EHBP1: variants seen among roughly 807,000 people sequenced by gnomAD.
EHBP1 encodes EH domain binding protein 1.
In EHBP1, 55 loss-of-function variants were observed where a neutral mutation model predicts 144.0. That is an observed-to-expected ratio of 0.38 (90% CI 0.31 to 0.48). The LOEUF is 0.48. Among genes scored for constraint, EHBP1 ranks in the 20% least tolerant of loss-of-function variants. EHBP1 has a pLI of 0.98. For missense variants in EHBP1, 1,200 were observed against 1,364.2 expected, an observed-to-expected ratio of 0.88 and a Z score of 1.90; for synonymous variants, 469 against 472.7, an observed-to-expected ratio of 0.99 and a Z score of 0.10.
chr2:62,923,199 T>C lies in EHBP1; in HGVS notation c.1186-19519T>C, dbSNP rs576848985. On this transcript the variant is annotated intron_variant, in intron 10 of 22. Coordinates refer to ENST00000431489, the MANE Select transcript of EHBP1 (RefSeq NM_001142616.3). ...TGGCTGAACACCACAACCTCAGCAA[T>C]ACAAAATCTGGACCCAAGATTGGCT... Among the ~76,000 whole-genome samples, 24 of 152,192 alleles carry C rather than the reference T, an allele frequency of 1.6e-4. No homozygotes were observed. In the South Asian group the frequency reaches 4.8e-3, roughly 30 times the overall value.
intron 2 of EHBP1, among the ~76,000 whole-genome samples, chr2:62,737,293 T>A (rs964403622): frequency 6.6e-6 from 1 of 152,200 alleles, no homozygotes. Context: ...GATTTTTCTC[T>A]GTTGTTCACT....
chr2:62,828,577 C>T (rs1007485008), intron 6 of EHBP1, among the ~76,000 whole-genome samples: 3 of 151,924 alleles, frequency 2.0e-5, no homozygotes, highest in Non-Finnish European at 1.5e-5. Context: ...AACTTTTGGG[C>T]GGTTATGGCC....
chr2:62,822,102 G>A (rs1302765938), intron 5 of EHBP1, among the ~76,000 whole-genome samples: 2 of 151,544 alleles, frequency 1.3e-5, no homozygotes, highest in African/African-American at 2.4e-5. Flanking sequence ...TTTTTTTAAC[G>A]ATGTTTAAAA....
chr2:62,734,903 GT>G (rs2037970398), intron 2 of EHBP1, among the ~76,000 whole-genome samples: 1 of 152,080 alleles, frequency 6.6e-6, no homozygotes, highest in Non-Finnish European at 1.5e-5. Context: ...CCTTCCATGG[GT>G]TTCTGTTTTT....
intron 10 of EHBP1, among the ~76,000 whole-genome samples, chr2:62,896,261 C>G (rs573313078): frequency 1.2e-4 from 19 of 152,124 alleles, no homozygotes; most frequent in African/African-American, 4.6e-4. Flanking sequence ...AATAACTTGT[C>G]GTGTTTAAAG....
chr2:62,956,042 G>T (rs2057678237), intron 14 of EHBP1: 1 of 154,418 alleles, frequency 6.5e-6, no homozygotes, highest in Non-Finnish European at 1.4e-5. Flanking sequence ...TACCTACTAA[G>T]TATTTCAGGA....
At chr2:62,948,189 A>G in intron 12 of EHBP1, 71 bp from the exon 13 acceptor site, 1 of 1,363,676 alleles carries the variant, frequency 7.3e-7, no homozygotes, top group Non-Finnish European at 9.7e-7. Context: ...AAAATTAAAA[A>G]TGTGCTCTTT....
chr2:62,783,459 C>A (rs1285786094), intron 5 of EHBP1, among the ~76,000 whole-genome samples: 1 of 152,252 alleles, frequency 6.6e-6, no homozygotes, highest in South Asian at 2.1e-4. Flanking sequence ...GCCCCTGCAG[C>A]AAACTTCTAT....
intron 10 of EHBP1, among the ~76,000 whole-genome samples, chr2:62,879,546 AACACACACACACACAC>A (rs70962798): frequency 3.1e-4 from 41 of 133,790 alleles, no homozygotes; most frequent in East Asian, 1.8e-3. Context: ...TATTCACAAT[AACACACACACACACAC>A]ACACACACAC....
At chr2:62,856,106 A>T (rs2049034497) in intron 7 of EHBP1, among the ~76,000 whole-genome samples, 1 of 152,114 alleles carries the variant, frequency 6.6e-6, no homozygotes, top group South Asian at 2.1e-4. Context: ...CTCACCCTCC[A>T]CTTGCCTGTG....
At chr2:62,854,535 C>T (rs1175283773) in intron 7 of EHBP1, among the ~76,000 whole-genome samples, 1 of 152,058 alleles carries the variant, frequency 6.6e-6, no homozygotes, top group Non-Finnish European at 1.5e-5. Flanking sequence ...GGCCTAGTTT[C>T]AATATTGTTG....
chr2:62,825,098 A>G (rs2046250685), intron 5 of EHBP1, among the ~76,000 whole-genome samples: 1 of 152,042 alleles, frequency 6.6e-6, no homozygotes, highest in Admixed American at 6.6e-5. Flanking sequence ...TAACTCCCAT[A>G]TCAGTAAACT....
At chr2:63,015,414 A>G (rs983981461) in intron 19 of EHBP1, among the ~76,000 whole-genome samples, 7 of 152,292 alleles carry the variant, frequency 4.6e-5, no homozygotes, top group South Asian at 4.1e-4. Flanking sequence ...TGCTATTTCT[A>G]TGTTCCTCGT....
intron 12 of EHBP1, 35 bp downstream of exon 12, chr2:62,943,885 C>G (rs764462077): frequency 2.6e-6 from 4 of 1,532,282 alleles, no homozygotes; most frequent in Non-Finnish European, 3.6e-6. Context: ...TACGTAGTTT[C>G]AATTTTGGCT....
chr2:62,881,886 T>C (rs889547074), intron 10 of EHBP1: 3 of 152,178 alleles, frequency 2.0e-5, no homozygotes, highest in Non-Finnish European at 4.4e-5. Context: ...TTAATTCTCA[T>C]AGCTGGTAAT....
At chr2:62,943,401 T>A (rs1390810433) in intron 11 of EHBP1, among the ~76,000 whole-genome samples, 162 of 106,494 alleles carry the variant, frequency 1.5e-3, no homozygotes, top group Non-Finnish European at 2.0e-3. Context: ...AAAAAAAAAA[T>A]GGTTTTTCTC....
intron 2 of EHBP1, among the ~76,000 whole-genome samples, chr2:62,727,425 C>A (rs1302196351): frequency 6.6e-6 from 1 of 152,000 alleles, no homozygotes; most frequent in African/African-American, 2.4e-5. Flanking sequence ...AATTTTGGAA[C>A]ATTTTTGTGA....
chr2:62,721,283 A>C (rs2036197916), intron 2 of EHBP1, among the ~76,000 whole-genome samples: 1 of 152,140 alleles, frequency 6.6e-6, no homozygotes, highest in Non-Finnish European at 1.5e-5. Context: ...TTTTGATAAG[A>C]TACCACAGAG....
At chr2:62,840,067 C>G (rs900926600) in intron 7 of EHBP1, among the ~76,000 whole-genome samples, 4 of 151,966 alleles carry the variant, frequency 2.6e-5, no homozygotes. Flanking sequence ...CTGGAGGCAT[C>G]ACACTACCTG....
Sources: allele counts gnomAD v4.1 joint callset (sites outside exome capture counted in the v4.1 genomes callset), GRCh38; gene constraint gnomAD v4.1.1; transcripts MANE v1.5; gene names NCBI Gene and HGNC (gene_info 2026-07-23, HGNC 2026-07-21).